Variants in DCAF6 observed in about 807,000 individuals in gnomAD.
DCAF6 encodes the protein DDB1 and CUL4 associated factor 6, also known as DDB1- and CUL4-associated factor 6.
A neutral mutation model predicts 125.1 loss-of-function variants in DCAF6; 54 were observed. The ratio of observed to expected loss-of-function variants is 0.43; its 90% CI spans 0.35 to 0.54. The LOEUF is 0.54. Among genes scored for constraint, DCAF6 ranks in the 20% least tolerant of loss-of-function variants. The probability of loss-of-function intolerance (pLI) is 0.01; values close to 1 mark genes in which losing one functional copy is unlikely to be tolerated. For missense variants in DCAF6, 934 were observed against 1,161.7 expected (o/e 0.80, Z 2.85); for synonymous variants, 371 against 390.4 (o/e 0.95, Z 0.58).
intron 2 of DCAF6, among the ~76,000 whole-genome samples, chr1:167,965,465 A>G (rs1010900426): frequency 2.0e-5 from 3 of 152,048 alleles, no homozygotes; most frequent in African/African-American, 2.4e-5. Context: ...AAGTTAGAGT[A>G]CTCTGGGATA....
chr1:167,926,512 T>C, the DCAF6 span, among the ~76,000 whole-genome samples: 1 of 152,210 alleles, frequency 6.6e-6, no homozygotes, highest in East Asian at 1.9e-4. Flanking sequence ...TTTCAGAATA[T>C]ATAATCCTAA....
intron 16 of DCAF6, among the ~76,000 whole-genome samples, chr1:168,048,260 A>G (rs187614387): frequency 2.0e-5 from 3 of 152,256 alleles, no homozygotes; most frequent in African/African-American, 7.2e-5. Context: ...CCATGCTGCC[A>G]TTTGCAAAGC....
At chr1:168,059,900 A>C (rs1691371223) in intron 17 of DCAF6, among the ~76,000 whole-genome samples, 1 of 152,116 alleles carries the variant, frequency 6.6e-6, no homozygotes, top group Non-Finnish European at 1.5e-5. Context: ...CTCCTGTCTT[A>C]GCCTCCCAAA....
chr1:167,968,592 T>G (rs1022114485), intron 3 of DCAF6: 1 of 152,294 alleles, frequency 6.6e-6, no homozygotes, highest in Non-Finnish European at 1.5e-5. Flanking sequence ...AGCTGTCGGG[T>G]GTTGAACTGT....
chr1:167,949,408 T>C (rs1673586737), intron 1 of DCAF6, among the ~76,000 whole-genome samples: 3 of 152,242 alleles, frequency 2.0e-5, no homozygotes, highest in African/African-American at 4.8e-5. Context: ...ACTGGAGTAC[T>C]GAGAGCCTCT....
the DCAF6 span, among the ~76,000 whole-genome samples, chr1:167,877,389 C>T: frequency 6.6e-6 from 1 of 151,654 alleles, no homozygotes; most frequent in African/African-American, 2.4e-5. Flanking sequence ...TGCTAAGCCT[C>T]AGGAATACTG....
chr1:167,954,225 C>T (rs1461440736), intron 2 of DCAF6, among the ~76,000 whole-genome samples: 2 of 151,446 alleles, frequency 1.3e-5, no homozygotes, highest in East Asian at 3.9e-4. Context: ...AGGCTGGCCT[C>T]GAACTCCTGA....
At chr1:167,874,981 T>C in the DCAF6 span, 2 of 741,886 alleles carry the variant, frequency 2.7e-6, no homozygotes, top group Admixed American at 4.1e-5. Context: ...AATCCTGGTG[T>C]ATTGCTATTT....
the DCAF6 span, chr1:167,904,943 C>A: frequency 6.2e-7 from 1 of 1,613,600 alleles, no homozygotes; most frequent in Non-Finnish European, 8.5e-7. Context: ...TGAATTCCCA[C>A]GCGAGCCTGT....
At chr1:167,977,524 G>T (rs959950015) in intron 4 of DCAF6, among the ~76,000 whole-genome samples, 2 of 151,660 alleles carry the variant, frequency 1.3e-5, no homozygotes, top group African/African-American at 4.8e-5. Context: ...GTTTTTCTTT[G>T]CCGGGTTTTT....
the DCAF6 span, chr1:167,875,331 AAAG>A: frequency 1.3e-6 from 1 of 768,704 alleles, no homozygotes. Context: ...GCAAACGCCA[AAAG>A]AAGGAGAAAC....
At chr1:167,954,334 A>G (rs1674428506) in intron 2 of DCAF6, among the ~76,000 whole-genome samples, 1 of 152,062 alleles carries the variant, frequency 6.6e-6, no homozygotes, top group Non-Finnish European at 1.5e-5. Flanking sequence ...GTTTTCTAGT[A>G]TTCACTTCAG....
At chr1:168,065,788 A>G in intron 19 of DCAF6, 42 bp downstream of exon 19, 4 of 1,557,356 alleles carry the variant, frequency 2.6e-6, no homozygotes, top group Non-Finnish European at 3.5e-6. Context: ...AATTATTTGT[A>G]TGACTCATCA....
At chr1:167,897,218 C>T in the DCAF6 span, among the ~76,000 whole-genome samples, 1 of 149,634 alleles carries the variant, frequency 6.7e-6, no homozygotes, top group African/African-American at 2.5e-5. Flanking sequence ...AAAGAGAAAA[C>T]ATCAGGCCTG....
At chr1:167,878,768 A>G in the DCAF6 span, 1 of 906,190 alleles carries the variant, frequency 1.1e-6, no homozygotes, top group Non-Finnish European at 1.7e-6. Flanking sequence ...ACAGAAGCCT[A>G]GTCTCAAGAC....
intron 10 of DCAF6, among the ~76,000 whole-genome samples, chr1:168,012,887 G>A (rs1009765927): frequency 6.6e-6 from 1 of 152,050 alleles, no homozygotes; most frequent in African/African-American, 2.4e-5. Context: ...TACATGTACT[G>A]AGATCTTGCT....
the DCAF6 span, among the ~76,000 whole-genome samples, chr1:167,893,077 A>C: frequency 1.3e-5 from 2 of 152,356 alleles, no homozygotes; most frequent in East Asian, 3.9e-4. Context: ...TAAATTTGAG[A>C]GAACCAAGAT....
At chr1:168,037,882 G>C (rs1193658728) in intron 12 of DCAF6, among the ~76,000 whole-genome samples, 1 of 152,188 alleles carries the variant, frequency 6.6e-6, no homozygotes, top group African/African-American at 2.4e-5. Context: ...AGATCTGTGA[G>C]TTTGAAAGAA....
At chr1:167,951,934 A>G (rs1312811784) in intron 2 of DCAF6, 73 bp downstream of exon 2, 4 of 923,984 alleles carry the variant, frequency 4.3e-6, no homozygotes, top group South Asian at 1.6e-5. Context: ...AAATGTCCCA[A>G]TCCTCCCAGA....
Sources: gnomAD v4.1 joint callset for allele counts (sites outside exome capture counted in the v4.1 genomes callset) on GRCh38, gnomAD v4.1.1 for gene constraint, MANE v1.5 for transcripts, NCBI Gene and HGNC (gene_info 2026-07-23, HGNC 2026-07-21) for gene names.